The following ZNF655 variants were observed in gnomAD, a reference collection of about 807,000 sequenced individuals.
ZNF655 encodes Vav-interacting Kruppel-like protein 1.
ZNF655 carries 3 observed loss-of-function variants against 6.6 expected under a neutral mutation model. The observed-to-expected ratio is 0.46, with a 90% CI of 0.21 to 1.18. The LOEUF is 1.18. Ranked by LOEUF, ZNF655 falls within the 50% of genes most tolerant of loss-of-function variation. The pLI is 0.24. For missense variants in ZNF655, 526 were observed against 572.3 expected (o/e 0.92, Z 0.83); for synonymous variants, 178 against 195.0 (o/e 0.91, Z 0.73).
At chr7:99,568,261 A>ATT (rs548893044) in intron 2 of ZNF655, among the ~76,000 whole-genome samples, 9 of 132,702 alleles carry the variant, frequency 6.8e-5, no homozygotes, top group African/African-American at 2.0e-4. Flanking sequence ...AGGGATTTGG[A>ATT]TTTTTTTTTT....
At chr7:99,563,222 T>A (rs544699565) in intron 2 of ZNF655, 55 of 452,634 alleles carry the variant, frequency 1.2e-4, no homozygotes, top group African/African-American at 9.2e-4. Flanking sequence ...CAAGCTGTAG[T>A]GCTGCTGGGA....
chr7:99,561,892 AC>A (rs749159249), intron 2 of ZNF655: 2 of 1,550,092 alleles, frequency 1.3e-6, no homozygotes, highest in Non-Finnish European at 1.7e-6. Flanking sequence ...CCTCAGCTCC[AC>A]CTGTTCCTCA....
chr7:99,564,641 G>GTAA, intron 2 of ZNF655: 1 of 984,450 alleles, frequency 1.0e-6, no homozygotes, highest in Non-Finnish European at 1.2e-6. Context: ...ACTGTAAAGT[G>GTAA]ACATACATAT....
chr7:99,572,435 G>GGA lies in ZNF655; in HGVS notation c.335_336dup (p.Phe113SerfsTer5). On this transcript the variant is annotated frameshift_variant, in exon 3 of 3. Transcript: ENST00000252713. LOFTEE classifies it low-confidence loss of function (END_TRUNC). ...AAATTCTAAGGAAATTTCTGTACCT[G>GGA]GAGAGAGAGTTTAGGCAAATAACAA... The GGA allele has an allele frequency of 6.2e-7, 1 of 1,613,832 alleles. No individual in the cohort carries two copies. Among genetic ancestry groups the GGA allele is most frequent in the Non-Finnish European group, 8.5e-7 (1 of 1,179,906 alleles).
chr7:99,571,962 G>GT (rs1192451408), intron 2 of ZNF655, among the ~76,000 whole-genome samples: 1 of 152,000 alleles, frequency 6.6e-6, no homozygotes, highest in Non-Finnish European at 1.5e-5. Context: ...TTTAGTATCC[G>GT]TGCACATGTC....
chr7:99,567,531 CAAAA>C (rs201495604), intron 2 of ZNF655, among the ~76,000 whole-genome samples: 1 of 86,880 alleles, frequency 1.2e-5, no homozygotes. Flanking sequence ...AACTCCGTCT[CAAAA>C]AAAAAAAAAA....
chr7:99,562,110 G>A (rs188228376), intron 2 of ZNF655: 148 of 826,810 alleles, frequency 1.8e-4, no homozygotes, highest in Admixed American at 9.3e-4. Context: ...GATCCTCTTC[G>A]GAGACCTGGA....
chr7:99,566,983 A>G (rs1318632926), intron 2 of ZNF655, among the ~76,000 whole-genome samples: 1 of 151,966 alleles, frequency 6.6e-6, no homozygotes, highest in African/African-American at 2.4e-5. Context: ...GTGGTGGCAC[A>G]ATGTCAGCTC....
intron 2 of ZNF655, chr7:99,564,043 C>G: frequency 1.2e-6 from 2 of 1,607,000 alleles, no homozygotes; most frequent in Non-Finnish European, 1.7e-6. Context: ...TCGGAAACTC[C>G]TTTTCCACGA....
Position 99,572,632 on chromosome 7 carries a change from A to C in ZNF655, c.524A>C (p.His175Pro). 6.2e-7 allele frequency: 1 copy of C among 1,613,702 alleles called. No homozygotes were observed. Among genetic ancestry groups the C allele is most frequent in the Non-Finnish European group, 8.5e-7 (1 of 1,179,890 alleles). The change falls in exon 3 of 3, where the codon CAT (histidine) becomes CCT (proline). Residue 175 changes from histidine (H) to proline (P), a missense_variant. Coordinates refer to ENST00000252713, the MANE Select transcript of ZNF655 (RefSeq NM_138494.3). ...AACCAGAATTCAGCCTCTGGTAAAC[A>C]TGAACACTTAAATCTAACAGAGGAT... The part of the protein sequence containing the change: ...SFNQNSASGK[H>P]EHLNLTEDFQ...
At chr7:99,567,471 G>C (rs1273416872) in intron 2 of ZNF655, among the ~76,000 whole-genome samples, 1 of 151,498 alleles carries the variant, frequency 6.6e-6, no homozygotes, top group Admixed American at 6.6e-5. Context: ...AGGTGGAGTT[G>C]AGGTGAGCCG....
intron 2 of ZNF655, chr7:99,561,809 T>C: frequency 1.1e-6 from 1 of 895,466 alleles, no homozygotes; most frequent in Non-Finnish European, 1.6e-6. Context: ...CTGACACCCC[T>C]TGGGCTGGAG....
Position 99,574,097 on chromosome 7 carries a change from G to A in ZNF655, c.*513G>A, listed in dbSNP as rs1009650572. ...ACCTAAGAGAACTTATTTGGGTGTA[G>A]TAAATGGCAGATCTTTCAATAGGAG... On this transcript the variant is annotated 3_prime_UTR_variant, in exon 3 of 3. Coordinates refer to ENST00000252713, the MANE Select transcript of ZNF655 (RefSeq NM_138494.3). The A allele has an allele frequency of 6.5e-6, 1 of 154,154 alleles. No individual in the cohort carries two copies. The highest frequency in any genetic ancestry group is 2.4e-5 in the African/African-American group (1 of 41,464). The allele number at this position is 154,154 out of a possible 1,614,324, so 9.5% of individuals were successfully genotyped here. A position where few individuals can be genotyped will look rare whatever the true frequency, so the allele number is the denominator to read the frequency against.
At chr7:99,561,140 T>A (rs1485688463) in intron 2 of ZNF655, among the ~76,000 whole-genome samples, 1 of 152,246 alleles carries the variant, frequency 6.6e-6, no homozygotes, top group East Asian at 1.9e-4. Context: ...GTTTTGTGAC[T>A]AGACTAAATT....
At position 99,572,562 on chromosome 7, in the gene ZNF655, A is replaced by G; in HGVS notation, c.454A>G (p.Arg152Gly). The G allele has an allele frequency of 6.2e-7, 1 of 1,613,956 alleles. No individual in the cohort carries two copies. Among genetic ancestry groups the G allele is most frequent in the East Asian group, 2.2e-5 (1 of 44,862 alleles). ...TATTGATGCAGATCAGAGAGTTCTT[A>G]GAATACAGAATACCGATGACAATGA... ...STIDADQRVL[R>G]IQNTDDNDKY... Residue 152 changes from arginine to glycine, a missense_variant, in exon 3 of 3, where the codon AGA (arginine) becomes GGA (glycine). Transcript: ENST00000252713.
chr7:99,572,207 A>T (rs1463503250), intron 2 of ZNF655, 38 bp from the exon 3 acceptor site: 1 of 1,533,696 alleles, frequency 6.5e-7, no homozygotes, highest in African/African-American at 1.4e-5. Context: ...CACAGGGTAC[A>T]GATTACATTT....
At position 99,573,720 on chromosome 7, in the gene ZNF655, A is replaced by T; in HGVS notation, c.*136A>T. On this transcript the variant is annotated 3_prime_UTR_variant, in exon 3 of 3. Coordinates refer to ENST00000252713, the MANE Select transcript of ZNF655 (RefSeq NM_138494.3). ...TAGCTCAGCCATTGCTCAGCATCAG[A>T]TAATTCACACCAGAGAGAAACCCTC... 1 of 1,017,236 alleles carries T rather than the reference A, an allele frequency of 9.8e-7. No individual in the cohort carries two copies. Among genetic ancestry groups the T allele is most frequent in the Non-Finnish European group, 1.4e-6 (1 of 703,066 alleles). 63.0% of individuals were successfully genotyped at this position (1,017,236 alleles called of 1,614,324 possible).
intron 2 of ZNF655, chr7:99,562,585 G>A: frequency 5.1e-6 from 7 of 1,363,904 alleles, no homozygotes; most frequent in Non-Finnish European, 7.0e-6. Context: ...AAGGTCTGTA[G>A]AGTGTGGCTT....
intron 2 of ZNF655, chr7:99,562,628 T>C (rs894984696): frequency 2.4e-6 from 2 of 835,416 alleles, no homozygotes; most frequent in African/African-American, 1.7e-5. Flanking sequence ...TGAATCCTTA[T>C]CTTTCACATC....
Sources: gnomAD v4.1 joint callset for allele counts (sites outside exome capture counted in the v4.1 genomes callset) on GRCh38, gnomAD v4.1.1 for gene constraint, MANE v1.5 for transcripts, NCBI Gene and HGNC (gene_info 2026-07-23, HGNC 2026-07-21) for gene names.